Variants in FABP3 observed in about 807,000 individuals in gnomAD.
FABP3 encodes the protein fatty acid binding protein 3.
Under a neutral mutation model 13.4 loss-of-function variants are expected in FABP3, and 8 were observed. The ratio of observed to expected loss-of-function variants is 0.60; its 90% CI spans 0.35 to 1.07. FABP3 has a LOEUF of 1.07. Ranked by LOEUF, FABP3 falls within the 50% of genes least tolerant of loss-of-function variation. The pLI is 0.02. For missense variants in FABP3, 135 were observed against 164.7 expected, an observed-to-expected ratio of 0.82 and a Z score of 0.99; for synonymous variants, 64 against 60.0, an observed-to-expected ratio of 1.07 and a Z score of -0.31.
downstream of FABP3, chr1:31,364,043 A>C: frequency 4.4e-6 from 7 of 1,607,326 alleles, no homozygotes; most frequent in Non-Finnish European, 5.9e-6. Flanking sequence ...AGAAGAAGAA[A>C]AAGAAACATA....
At chr1:31,364,305 G>A (rs41272139), downstream of FABP3, 1,283 of 1,438,708 alleles carry the variant, frequency 8.9e-4, 1 homozygote, top group Non-Finnish European at 1.1e-3. Flanking sequence ...CATTAACTTC[G>A]CTCCCATGGG....
downstream of FABP3, among the ~76,000 whole-genome samples, chr1:31,360,736 GA>G (rs1432171060): frequency 6.6e-6 from 1 of 152,148 alleles, no homozygotes; most frequent in Admixed American, 6.5e-5. Flanking sequence ...GAACAAAGTG[GA>G]AATAGTGCCA....
At chr1:31,372,885 T>G (rs1640232623) in intron 1 of FABP3, 57 bp downstream of exon 1, 6 of 1,527,386 alleles carry the variant, frequency 3.9e-6, no homozygotes, top group Admixed American at 3.3e-5. Flanking sequence ...TGCGTGGGGC[T>G]AGGCACGCCA....
At chr1:31,363,054 CATGTAT>C (rs1557465457), downstream of FABP3, among the ~76,000 whole-genome samples, 2 of 151,818 alleles carry the variant, frequency 1.3e-5, no homozygotes, top group African/African-American at 2.4e-5. Flanking sequence ...TATAAATACA[CATGTAT>C]ATGTTATACG....
chr1:31,361,865 G>A (rs754051763), downstream of FABP3, among the ~76,000 whole-genome samples: 3 of 151,922 alleles, frequency 2.0e-5, no homozygotes, highest in Non-Finnish European at 2.9e-5. Flanking sequence ...AGCCTGGAGT[G>A]CAGTGGCAGG....
chr1:31,365,718 A>AC lies in FABP3; in HGVS notation c.*167_*168insG. 3.2e-6 allele frequency: 2 copies of AC among 615,520 alleles called. No individual in the cohort carries two copies. Among genetic ancestry groups the AC allele is most frequent in the Admixed American group, 5.9e-5 (2 of 34,098 alleles). The allele number at this position is 615,520 out of a possible 1,614,324, so 38.1% of individuals were successfully genotyped here. On this transcript the variant is annotated 3_prime_UTR_variant, in exon 4 of 4. Coordinates refer to ENST00000373713, the MANE Select transcript of FABP3 (RefSeq NM_004102.5). Reference sequence around the variant, plus strand: ...ATGAGTGCAGTTAAAAAAAAAAAAAAAAAACCACATACACCATGGGAACTG... The same window carrying AC: ...ATGAGTGCAGTTAAAAAAAAAAAAAACAAAACCACATACACCATGGGAACTG...
intron 1 of FABP3, among the ~76,000 whole-genome samples, 194 bp from the exon 2 acceptor site, chr1:31,369,751 G>A (rs1640175477): frequency 6.6e-6 from 1 of 152,178 alleles, no homozygotes; most frequent in African/African-American, 2.4e-5. Context: ...GATCCCATTA[G>A]ATGAGAGATA....
At position 31,372,959 on chromosome 1, in the gene FABP3, T is replaced by A. The variant is rs1387660539; in HGVS notation, c.56A>T (p.Asp19Val). The A allele has an allele frequency of 6.2e-7, 1 of 1,613,600 alleles. No homozygotes were observed. Among genetic ancestry groups the A allele is most frequent in the African/African-American group, 1.3e-5 (1 of 74,920 alleles). Residue 19 changes from aspartate to valine, a missense_variant, in exon 1 of 4, where the codon GAC becomes GTC. Coordinates refer to ENST00000373713, the MANE Select transcript of FABP3 (RefSeq NM_004102.5). ...TTGCTCACCGAGTGACTTCATGTAGTCATCGAAATTCTTGCTGTCCACTAG... is the reference window on the plus strand; with the variant it reads ...TTGCTCACCGAGTGACTTCATGTAGACATCGAAATTCTTGCTGTCCACTAG... ...WKLVDSKNFD[D>V]YMKSLGVGFA...
chr1:31,369,418 G>A lies in FABP3; in HGVS notation c.213C>T (p.Phe71=), dbSNP rs764669863. ...TEISFKLGVE[F]DETTADDRKV... Reference sequence around the variant, plus strand: ...TCCTGTCATCTGCTGTTGTCTCATCGAACTCCACCCCCAACTTAAAGCTGA... The same window carrying A: ...TCCTGTCATCTGCTGTTGTCTCATCAAACTCCACCCCCAACTTAAAGCTGA... The change falls in exon 2 of 4, where the codon TTC becomes TTT. Residue 71 remains phenylalanine (F), a synonymous_variant. Transcript: ENST00000373713. 5 of 1,613,944 alleles carry A rather than the reference G, an allele frequency of 3.1e-6. No homozygotes were observed. Among genetic ancestry groups the A allele is most frequent in the East Asian group, 2.2e-5 (1 of 44,870 alleles).
At chr1:31,371,746 G>T (rs1640213276) in intron 1 of FABP3, among the ~76,000 whole-genome samples, 1 of 152,196 alleles carries the variant, frequency 6.6e-6, no homozygotes, top group Non-Finnish European at 1.5e-5. Context: ...CGTGGGGGCT[G>T]GGGGCTGCTC....
downstream of FABP3, among the ~76,000 whole-genome samples, chr1:31,361,526 G>C (rs1639893021): frequency 6.6e-6 from 1 of 152,218 alleles, no homozygotes; most frequent in Non-Finnish European, 1.5e-5. Context: ...TTAAGTTGCA[G>C]AGCTAGAATT....
intron 1 of FABP3, among the ~76,000 whole-genome samples, chr1:31,370,433 G>C (rs1213846831): frequency 6.6e-6 from 1 of 152,212 alleles, no homozygotes; most frequent in African/African-American, 2.4e-5. Context: ...CTTAGGCATA[G>C]GAGTTTTCCA....
Position 31,373,060 on chromosome 1 carries a change from G to A in FABP3, c.-46C>T, listed in dbSNP as rs1249355403. 6.3e-7 allele frequency: 1 copy of A among 1,589,344 alleles called. No individual in the cohort carries two copies. Among genetic ancestry groups the A allele is most frequent in the African/African-American group, 1.3e-5 (1 of 74,462 alleles). On this transcript the variant is annotated 5_prime_UTR_variant, in exon 1 of 4. Transcript: ENST00000373713. The stretch of plus-strand genomic sequence containing the variant: ...AGAGAAGCTACAAGAGAGCAGGCGT[G>A]CAAGGGCTCCGACGGCGGCTCCCTG...
rs1640087262 is a variant in FABP3 at position 31,365,517 on chromosome 1, C to T, written c.*369G>A. 4.1e-6 allele frequency: 1 copy of T among 246,432 alleles called. No individual in the cohort carries two copies. Among genetic ancestry groups the T allele is most frequent in the Admixed American group, 5.0e-5 (1 of 20,082 alleles). 15.3% of individuals were successfully genotyped at this position (246,432 alleles called of 1,614,324 possible). A position where few individuals can be genotyped will look rare whatever the true frequency, so the allele number is the denominator to read the frequency against. ...AAGGTGATCAGCTGATTAACAGGCT[C>T]CGAGACTGTCCATTTCAGTCTCCCA... On this transcript the variant is annotated 3_prime_UTR_variant, in exon 4 of 4. Transcript: ENST00000373713.
At chr1:31,366,074 G>A (rs1001479097) in intron 3 of FABP3, 135 bp from the exon 4 acceptor site, 153 of 386,016 alleles carry the variant, frequency 4.0e-4, no homozygotes, top group Non-Finnish European at 7.1e-4. Flanking sequence ...GTGTGTGTGT[G>A]TGTGTGTGTG....
intron 3 of FABP3, 43 bp from the exon 4 acceptor site, chr1:31,365,982 C>T (rs779101907): frequency 1.3e-6 from 2 of 1,578,008 alleles, no homozygotes; most frequent in Non-Finnish European, 8.7e-7. Context: ...GAGCCAGGAA[C>T]ACCATTGCGA....
At chr1:31,366,766 A>G in intron 3 of FABP3, among the ~76,000 whole-genome samples, 1 of 152,156 alleles carries the variant, frequency 6.6e-6, no homozygotes, top group South Asian at 2.1e-4. Flanking sequence ...AGCAGTAGTC[A>G]AGTAGTTTCA....
At chr1:31,362,334 G>C (rs1557464813), downstream of FABP3, among the ~76,000 whole-genome samples, 1 of 152,214 alleles carries the variant, frequency 6.6e-6, no homozygotes, top group Non-Finnish European at 1.5e-5. Context: ...CTGGTTGGAA[G>C]CTGGCATCCT....
chr1:31,367,763 G>A (rs565250868), intron 2 of FABP3, among the ~76,000 whole-genome samples: 7 of 152,222 alleles, frequency 4.6e-5, no homozygotes, highest in South Asian at 4.1e-4. Context: ...GAGCCAGAGA[G>A]CCTGGCTCTG....
Sources: allele counts gnomAD v4.1 joint callset (sites outside exome capture counted in the v4.1 genomes callset), GRCh38; gene constraint gnomAD v4.1.1; transcripts MANE v1.5; gene names NCBI Gene and HGNC (gene_info 2026-07-23, HGNC 2026-07-21).